The following ADGRF4 variants were observed in gnomAD, a reference collection of about 807,000 sequenced individuals.
ADGRF4 encodes G-protein coupled receptor PGR18.
In ADGRF4, 63 loss-of-function variants were observed where a neutral mutation model predicts 58.5. The ratio of observed to expected loss-of-function variants is 1.08; its 90% CI spans 0.88 to 1.33. The LOEUF is 1.33. Ranked by LOEUF, ADGRF4 falls within the 40% of genes most tolerant of loss-of-function variation. The pLI is 0.00. For synonymous variants in ADGRF4, 313 were observed against 295.4 expected (o/e 1.06, Z -0.61); for missense variants, 931 against 843.9 (o/e 1.10, Z -1.28).
chr6:47,706,127 T>C (rs1401201371), intron 1 of ADGRF4, among the ~76,000 whole-genome samples: 2 of 152,216 alleles, frequency 1.3e-5, no homozygotes, highest in Non-Finnish European at 2.9e-5. Flanking sequence ...TTTATTTTGC[T>C]GCATCTGGAT....
At chr6:47,700,187 G>C (rs1771559261) in intron 1 of ADGRF4, among the ~76,000 whole-genome samples, 1 of 152,122 alleles carries the variant, frequency 6.6e-6, no homozygotes, top group South Asian at 2.1e-4. Flanking sequence ...AGGGTGTTTT[G>C]CATGAACAGG....
Position 47,712,510 on chromosome 6 carries a change from TCATCAGAAACAA to T in ADGRF4, c.459_470del (p.Glu154_Ser157del). The T allele has an allele frequency of 6.2e-7, 1 of 1,613,878 alleles. No individual in the cohort carries two copies. Among genetic ancestry groups the T allele is most frequent in the Non-Finnish European group, 8.5e-7 (1 of 1,179,778 alleles). ...TGCCTGCATCACTGACATGGTGAAA[TCATCAGAAACAA>T]CATCTGGAAATATTGCATTTATAGT... On this transcript the variant is annotated inframe_deletion, in exon 5 of 10. Transcript: ENST00000283303.
chr6:47,699,944 C>T (rs1264857179), intron 1 of ADGRF4, among the ~76,000 whole-genome samples: 1 of 142,520 alleles, frequency 7.0e-6, no homozygotes, highest in Non-Finnish European at 1.5e-5. Flanking sequence ...CCCCCCCCCC[C>T]AAAATGTGGG....
chr6:47,717,930 G>A (rs1428428601), intron 8 of ADGRF4, among the ~76,000 whole-genome samples: 1 of 152,158 alleles, frequency 6.6e-6, no homozygotes, highest in Non-Finnish European at 1.5e-5. Context: ...AAGTAAAATT[G>A]CTGATACTAC....
chr6:47,713,700 T>A (rs1428869994), intron 5 of ADGRF4, 98 bp from the exon 6 acceptor site: 1 of 926,120 alleles, frequency 1.1e-6, no homozygotes, highest in Non-Finnish European at 1.6e-6. Flanking sequence ...CCAAATAAGA[T>A]TGGGTAACCT....
intron 1 of ADGRF4, among the ~76,000 whole-genome samples, chr6:47,704,981 T>G (rs1771673221): frequency 1.3e-5 from 2 of 152,130 alleles, no homozygotes; most frequent in East Asian, 1.9e-4. Context: ...CAGGCTGGAG[T>G]GCAGTGGTGC....
intron 1 of ADGRF4, among the ~76,000 whole-genome samples, chr6:47,705,420 A>T (rs376117778): frequency 2.2e-4 from 33 of 152,104 alleles, no homozygotes; most frequent in African/African-American, 7.7e-4. Flanking sequence ...TTCTACCCAC[A>T]CTGTAAGATC....
chr6:47,709,259 A>G (rs575163345), intron 3 of ADGRF4, among the ~76,000 whole-genome samples: 2 of 152,342 alleles, frequency 1.3e-5, no homozygotes, highest in Admixed American at 6.5e-5. Context: ...AGAATATTTC[A>G]ACAGCCTCGT....
intron 1 of ADGRF4, among the ~76,000 whole-genome samples, chr6:47,699,927 C>A (rs536417904): frequency 1.6e-5 from 2 of 123,468 alleles, no homozygotes; most frequent in African/African-American, 6.0e-5. Context: ...CACACACAGA[C>A]GACACACCCC....
At chr6:47,702,637 T>G (rs1771615592) in intron 1 of ADGRF4, among the ~76,000 whole-genome samples, 1 of 152,244 alleles carries the variant, frequency 6.6e-6, no homozygotes, top group Non-Finnish European at 1.5e-5. Context: ...TTGCTGTTTT[T>G]GTTTCCCCTC....
rs115162119 is a variant in ADGRF4, at chr6:47,707,553, C to T, written c.93+215C>T. ...GCTACAGTACAGTAGAATAATCAAG[C>T]TGCAATGGGAAATGTAGATAGAATG... On this transcript the variant is annotated intron_variant, in intron 2 of 9. Transcript: ENST00000283303. 4.3e-3 allele frequency among the ~76,000 whole-genome samples: 659 copies of T among 152,296 alleles called. 3 individuals carry two copies. The highest frequency in any genetic ancestry group is 0.014 in the African/African-American group (574 of 41,556).
intron 1 of ADGRF4, among the ~76,000 whole-genome samples, chr6:47,702,255 T>C (rs948357056): frequency 2.0e-5 from 3 of 147,262 alleles, no homozygotes; most frequent in African/African-American, 7.5e-5. Flanking sequence ...TGTCTGTGTG[T>C]GTGTTGGGGG....
chr6:47,714,261 T>C lies in ADGRF4; in HGVS notation c.1016T>C (p.Ile339Thr). Residue 339 changes from isoleucine to threonine, a missense_variant, in exon 6 of 10, where the codon ATC (isoleucine) becomes ACC (threonine). Coordinates refer to ENST00000283303, the MANE Select transcript of ADGRF4 (RefSeq NM_153838.5). ...LQEIILTFEK[I>T]NKTRNARAQC... is the part of the protein sequence containing the mutation. ...GAAATCATACTCACCTTCGAAAAGA[T>C]CAATAAAACCCGCAATGCCAGAGCC... 1.2e-6 allele frequency: 2 copies of C among 1,614,106 alleles called. No individual in the cohort carries two copies. The highest frequency in any genetic ancestry group is 1.7e-6 in the Non-Finnish European group (2 of 1,180,020).
intron 9 of ADGRF4, among the ~76,000 whole-genome samples, chr6:47,720,992 G>A (rs1222053845): frequency 6.6e-6 from 1 of 152,104 alleles, no homozygotes; most frequent in Non-Finnish European, 1.5e-5. Flanking sequence ...GGAAGGCAAA[G>A]GGCACCAAAA....
intron 1 of ADGRF4, among the ~76,000 whole-genome samples, chr6:47,702,919 G>A (rs758884945): frequency 2.6e-5 from 4 of 152,222 alleles, no homozygotes; most frequent in Non-Finnish European, 5.9e-5. Flanking sequence ...TCCCTCACCT[G>A]GGTGAGTTAG....
chr6:47,717,247 C>T (rs1050735364), intron 7 of ADGRF4, 45 bp from the exon 8 acceptor site: 12 of 1,375,676 alleles, frequency 8.7e-6, no homozygotes, highest in Non-Finnish European at 1.2e-5. Context: ...TCTGTTGTTT[C>T]TTCCAACATC....
chr6:47,715,794 C>T (rs532814910), intron 6 of ADGRF4, among the ~76,000 whole-genome samples: 1 of 152,268 alleles, frequency 6.6e-6, no homozygotes, highest in South Asian at 2.1e-4. Context: ...AACTAAACAT[C>T]AAAGTATTCC....
intron 8 of ADGRF4, among the ~76,000 whole-genome samples, 190 bp downstream of exon 8, chr6:47,717,541 C>G (rs1317795713): frequency 2.0e-5 from 3 of 152,114 alleles, no homozygotes; most frequent in African/African-American, 7.2e-5. Flanking sequence ...TGGAATATAC[C>G]CTTCAAGGGA....
rs146828294 is a variant in ADGRF4, at chr6:47,714,543, C to T, written c.1298C>T (p.Thr433Met). ...ACAGTGTGGTCCCGGGTGGTTGTGA[C>T]GGAGATATCATACATGCGTCACGTG... ...EATVWSRVVV[T>M]EISYMRHVCI... Residue 433 changes from threonine (T) to methionine (M), a missense_variant, in exon 6 of 10, where the codon ACG becomes ATG. Thr to Met is a moderately conservative substitution (Grantham distance 81, BLOSUM62 -1). Coordinates refer to ENST00000283303, the MANE Select transcript of ADGRF4 (RefSeq NM_153838.5). 1.0e-4 allele frequency: 166 copies of T among 1,614,054 alleles called. No homozygotes were observed. The highest frequency in any genetic ancestry group is 4.7e-4 in the East Asian group (21 of 44,864).
Sources: allele counts gnomAD v4.1 joint callset (sites outside exome capture counted in the v4.1 genomes callset), GRCh38; gene constraint gnomAD v4.1.1; transcripts MANE v1.5; gene names NCBI Gene and HGNC (gene_info 2026-07-23, HGNC 2026-07-21).